ADCY7: variants seen among roughly 807,000 people sequenced by gnomAD.
ADCY7 encodes adenylate cyclase type 7.
A neutral mutation model predicts 120.6 loss-of-function variants in ADCY7; 72 were observed. The observed-to-expected ratio is 0.60, with a 90% CI of 0.49 to 0.73. The LOEUF (loss-of-function observed/expected upper bound fraction) is 0.73. Ranked by LOEUF, ADCY7 falls within the 30% of genes least tolerant of loss-of-function variation. ADCY7 has a pLI of 0.00. For synonymous variants in ADCY7, 661 were observed against 628.0 expected, an observed-to-expected ratio of 1.05 and a Z score of -0.78; for missense variants, 1,227 against 1,486.0, an observed-to-expected ratio of 0.83 and a Z score of 2.87.
intron 10 of ADCY7, among the ~76,000 whole-genome samples, chr16:50,302,852 C>T (rs143006890): frequency 2.6e-5 from 4 of 152,200 alleles, no homozygotes; most frequent in Non-Finnish European, 5.9e-5. Context: ...GCAGGGTGCT[C>T]GTCTGTAGCT....
chr16:50,305,591 G>A lies in ADCY7; in HGVS notation c.1679+5G>A. The A allele has an allele frequency of 1.3e-6, 2 of 1,594,120 alleles. No individual in the cohort carries two copies. The highest frequency in any genetic ancestry group is 8.6e-7 in the Non-Finnish European group (1 of 1,168,468). On this transcript the variant is annotated splice_donor_5th_base_variant and intron_variant, in intron 13 of 25. Transcript: ENST00000673801. The stretch of plus-strand genomic sequence containing the variant: ...TGAGGGGCTCAGCTCCACGAGGTGA[G>A]GTCTGAGACCTCTGTCCACCCCCCT...
intron 9 of ADCY7, 75 bp from the exon 10 acceptor site, chr16:50,301,007 G>T (rs2035681194): frequency 6.4e-7 from 1 of 1,570,902 alleles, no homozygotes; most frequent in Admixed American, 1.8e-5. Flanking sequence ...GCCCAGGCCT[G>T]CCTGCTGTGC....
rs768646199 is a variant in ADCY7 at position 50,311,811 on chromosome 16, CCCCCA to C, written c.2448+26_2448+30del. The C allele has an allele frequency of 1.1e-4, 144 of 1,343,412 alleles. No homozygotes were observed. In the African/African-American group the frequency reaches 1.6e-3, roughly 15 times the overall value. The allele number at this position is 1,343,412 out of a possible 1,614,324, so 83.2% of individuals were successfully genotyped here. A position where few individuals can be genotyped will look rare whatever the true frequency, so the allele number is the denominator to read the frequency against. ...GGTAAGGAGGCTGGCCCCCCCCCCC[CCCCCA>C]AGCTCTGCCCACTTTTCCTCACCTC... On this transcript the variant is annotated intron_variant, in intron 20 of 25. Transcript: ENST00000673801.
At chr16:50,248,408 C>T (rs899303638) in intron 1 of ADCY7, among the ~76,000 whole-genome samples, 10 of 152,214 alleles carry the variant, frequency 6.6e-5, no homozygotes, top group African/African-American at 2.4e-4. Context: ...TGTGTCTGGG[C>T]AGGAGGCAGA....
intron 7 of ADCY7, among the ~76,000 whole-genome samples, chr16:50,298,611 G>A (rs1416906399): frequency 3.9e-5 from 6 of 152,210 alleles, no homozygotes; most frequent in African/African-American, 1.4e-4. Context: ...CGGGTACTCA[G>A]TAGGCACTCA....
Position 50,311,800 on chromosome 16 carries a change from C to CA in ADCY7, c.2448+14_2448+15insA. The CA allele has an allele frequency of 5.3e-5, 1 of 18,960 alleles. No homozygotes were observed. Among genetic ancestry groups the CA allele is most frequent in the East Asian group, 7.7e-4 (1 of 1,292 alleles). 1.2% of individuals were successfully genotyped at this position (18,960 alleles called of 1,614,324 possible). On this transcript the variant is annotated intron_variant, in intron 20 of 25. Coordinates refer to ENST00000673801, the MANE Select transcript of ADCY7 (RefSeq NM_001114.5). ...CTCTCCAGACAGGTAAGGAGGCTGG[C>CA]CCCCCCCCCCCCCCCAAGCTCTGCC...
intron 1 of ADCY7, chr16:50,279,525 T>C (rs1374745708): frequency 2.6e-5 from 4 of 151,738 alleles, no homozygotes; most frequent in Non-Finnish European, 5.9e-5. Flanking sequence ...GTTGATTGCT[T>C]AGTCAGTTGA....
upstream of ADCY7, among the ~76,000 whole-genome samples, chr16:50,245,859 A>G (rs892183570): frequency 7.2e-5 from 11 of 151,766 alleles, no homozygotes; most frequent in Middle Eastern, 3.4e-3. Context: ...TACCTGGAGA[A>G]GGTCCTGCTG....
rs1399527438 is a variant in ADCY7 at position 50,315,784 on chromosome 16, C to T, written c.*279C>T. ...AGAATGTTCACTGGTTCGGGGCTGACTTTGAGATCTTTGTTCCCTGAGGTG... is the reference window on the plus strand; with the variant it reads ...AGAATGTTCACTGGTTCGGGGCTGATTTTGAGATCTTTGTTCCCTGAGGTG... On this transcript the variant is annotated 3_prime_UTR_variant, in exon 26 of 26. Coordinates refer to ENST00000673801, the MANE Select transcript of ADCY7 (RefSeq NM_001114.5). 2.8e-6 allele frequency: 1 copy of T among 360,490 alleles called. No homozygotes were observed. 22.3% of individuals were successfully genotyped at this position (360,490 alleles called of 1,614,324 possible).
chr16:50,294,053 G>A (rs2035180876), intron 6 of ADCY7, among the ~76,000 whole-genome samples: 1 of 152,194 alleles, frequency 6.6e-6, no homozygotes, highest in Non-Finnish European at 1.5e-5. Flanking sequence ...TACATCCAAG[G>A]CTGGCCCGCT....
chr16:50,268,307 G>C (rs1018902750), intron 1 of ADCY7, among the ~76,000 whole-genome samples: 30 of 152,080 alleles, frequency 2.0e-4, no homozygotes, highest in Admixed American at 1.7e-3. Context: ...GTTTCACCAT[G>C]GTGGCCAGGC....
chr16:50,305,923 C>A, intron 14 of ADCY7, 74 bp downstream of exon 14: 2 of 1,454,804 alleles, frequency 1.4e-6, no homozygotes, highest in South Asian at 1.1e-5. Context: ...GGACGCAGGT[C>A]ATGGGGCAGC....
At chr16:50,290,742 T>C in intron 3 of ADCY7, 82 bp downstream of exon 3, 1 of 1,456,124 alleles carries the variant, frequency 6.9e-7, no homozygotes, top group Non-Finnish European at 9.4e-7. Context: ...CACAGGCCCT[T>C]CGTGCCCCAC....
chr16:50,283,926 A>C (rs2034429214), intron 1 of ADCY7, among the ~76,000 whole-genome samples: 1 of 152,188 alleles, frequency 6.6e-6, no homozygotes, highest in African/African-American at 2.4e-5. Context: ...GGAGGTGTGC[A>C]AGCTAACAGC....
intron 1 of ADCY7, among the ~76,000 whole-genome samples, chr16:50,260,456 A>G (rs1257223227): frequency 2.6e-5 from 4 of 152,222 alleles, no homozygotes; most frequent in African/African-American, 9.6e-5. Context: ...TGGTATCATG[A>G]AGACTCTGCT....
At chr16:50,262,586 C>T (rs1414533797), upstream of ADCY7, among the ~76,000 whole-genome samples, 1 of 152,186 alleles carries the variant, frequency 6.6e-6, no homozygotes, top group Non-Finnish European at 1.5e-5. Flanking sequence ...CTCAGCCTCC[C>T]AAAGTACTGG....
At chr16:50,255,377 C>G (rs1423656874) in intron 1 of ADCY7, among the ~76,000 whole-genome samples, 4 of 126,314 alleles carry the variant, frequency 3.2e-5, no homozygotes, top group African/African-American at 1.2e-4. Flanking sequence ...AGCTACCATG[C>G]CTGGCCCATA....
At position 50,316,447 on chromosome 16, in the gene ADCY7, TCTTA is replaced by T. The variant is rs1438863083; in HGVS notation, c.*946_*949del. 6.6e-6 allele frequency: 1 copy of T among 152,384 alleles called. No individual in the cohort carries two copies. 9.4% of individuals were successfully genotyped at this position (152,384 alleles called of 1,614,324 possible). ...TCTCCCCTGCCGTCCTTCAACTGTATCTTACTTTTCTTACCAGAAAGGAATGGAG... is the reference window on the plus strand; with the variant it reads ...TCTCCCCTGCCGTCCTTCAACTGTATCTTTTCTTACCAGAAAGGAATGGAG... On this transcript the variant is annotated 3_prime_UTR_variant, in exon 26 of 26. Transcript: ENST00000673801.
intron 1 of ADCY7, among the ~76,000 whole-genome samples, chr16:50,283,841 G>A (rs1269039498): frequency 1.3e-5 from 2 of 152,210 alleles, no homozygotes; most frequent in African/African-American, 4.8e-5. Flanking sequence ...CTTGAGCTAA[G>A]GGAGGACTCA....
Sources: allele counts gnomAD v4.1 joint callset (sites outside exome capture counted in the v4.1 genomes callset), GRCh38; gene constraint gnomAD v4.1.1; transcripts MANE v1.5; gene names NCBI Gene and HGNC (gene_info 2026-07-23, HGNC 2026-07-21).